GATAD2B: variants seen among roughly 807,000 people sequenced by gnomAD.
The protein encoded by GATAD2B is transcriptional repressor p66-beta.
A neutral mutation model predicts 64.3 loss-of-function variants in GATAD2B; 8 were observed. The observed-to-expected ratio is 0.12, with a 90% CI of 0.07 to 0.22. The LOEUF (loss-of-function observed/expected upper bound fraction) is 0.22. GATAD2B is among the 10% of genes least tolerant of loss of function. The pLI, the probability that GATAD2B is intolerant of heterozygous loss-of-function variation, is 1.00. For synonymous variants in GATAD2B, 281 were observed against 271.3 expected, an observed-to-expected ratio of 1.04 and a Z score of -0.35; for missense variants, 453 against 752.0, an observed-to-expected ratio of 0.60 and a Z score of 4.65.
At chr1:153,890,348 C>T (rs558162409) in intron 1 of GATAD2B, among the ~76,000 whole-genome samples, 3 of 150,460 alleles carry the variant, frequency 2.0e-5, no homozygotes, top group Non-Finnish European at 4.4e-5. Flanking sequence ...ATTAGCCGGA[C>T]GTGGTGGCAC....
intron 1 of GATAD2B, among the ~76,000 whole-genome samples, chr1:153,899,224 T>C (rs559713324): frequency 6.6e-6 from 1 of 152,226 alleles, no homozygotes; most frequent in African/African-American, 2.4e-5. Context: ...AGCCACTGCA[T>C]TCCAGCCTGG....
chr1:153,883,414 C>T (rs1194176925), intron 1 of GATAD2B, among the ~76,000 whole-genome samples: 4 of 152,180 alleles, frequency 2.6e-5, no homozygotes, highest in South Asian at 2.1e-4. Flanking sequence ...TGGTTGATAC[C>T]GTACTATCTC....
intron 1 of GATAD2B, among the ~76,000 whole-genome samples, chr1:153,863,833 C>G (rs143673434): frequency 2.0e-5 from 3 of 152,144 alleles, no homozygotes; most frequent in Admixed American, 2.0e-4. Context: ...ACCATGTTGG[C>G]CAGGATGGCC....
intron 1 of GATAD2B, among the ~76,000 whole-genome samples, chr1:153,915,847 A>T (rs142681191): frequency 1.4e-4 from 22 of 152,298 alleles, no homozygotes; most frequent in Admixed American, 3.3e-4. Context: ...CCAACAACAT[A>T]AAGGGCCTTG....
At chr1:153,820,053 G>A (rs1208409004) in intron 2 of GATAD2B, among the ~76,000 whole-genome samples, 5 of 147,404 alleles carry the variant, frequency 3.4e-5, no homozygotes, top group Non-Finnish European at 7.4e-5. Context: ...AGCCAAGATT[G>A]CACCACTGCA....
rs368877464 is a variant in GATAD2B at position 153,816,246 on chromosome 1, T to C, written c.1216+27A>G. Reference sequence around the variant, plus strand: ...CAGGCTTGGCAACCACTTGCTTAAATAGATTGATTAGAAGAAACAGCCTTA... The same window carrying C: ...CAGGCTTGGCAACCACTTGCTTAAACAGATTGATTAGAAGAAACAGCCTTA... On this transcript the variant is annotated intron_variant, in intron 7 of 10. Transcript: ENST00000368655. This position sits in a 1 kb window ranked among gnomAD's most constrained non-coding sequence, Gnocchi z 4.9. 5.4e-5 allele frequency: 82 copies of C among 1,513,392 alleles called. 1 individual carries two copies. In the African/African-American group the frequency reaches 8.2e-4, roughly 15 times the overall value. 93.7% of individuals were successfully genotyped at this position (1,513,392 alleles called of 1,614,324 possible).
chr1:153,842,476 C>T (rs1216130415), intron 1 of GATAD2B, among the ~76,000 whole-genome samples: 1 of 152,192 alleles, frequency 6.6e-6, no homozygotes, highest in Non-Finnish European at 1.5e-5. Flanking sequence ...GCCCTCTCTC[C>T]TCCTTCAGAT....
At chr1:153,840,025 T>A (rs1346387176) in intron 1 of GATAD2B, among the ~76,000 whole-genome samples, 1 of 147,962 alleles carries the variant, frequency 6.8e-6, no homozygotes, top group South Asian at 2.1e-4. Flanking sequence ...GAAAATACTT[T>A]CTTTTTTTTT....
chr1:153,836,349 C>T (rs1011936549), intron 1 of GATAD2B, among the ~76,000 whole-genome samples: 1 of 148,716 alleles, frequency 6.7e-6, no homozygotes, highest in Non-Finnish European at 1.5e-5. Flanking sequence ...CTCCCAGGTT[C>T]AAGTGATTCT....
intron 1 of GATAD2B, among the ~76,000 whole-genome samples, chr1:153,862,238 T>A (rs1329701750): frequency 4.8e-5 from 7 of 146,972 alleles, no homozygotes; most frequent in Non-Finnish European, 1.0e-4. Flanking sequence ...TTCTCCTGCC[T>A]CAGCCTCCTG....
Sources: allele counts gnomAD v4.1 joint callset (sites outside exome capture counted in the v4.1 genomes callset), GRCh38; gene constraint gnomAD v4.1.1; non-coding constraint Gnocchi (gnomAD v3.1); transcripts MANE v1.5; gene names NCBI Gene and HGNC (gene_info 2026-07-23, HGNC 2026-07-21).